Variants in GATA4 observed in about 807,000 individuals in gnomAD.
GATA4 encodes transcription factor GATA-4.
Under a neutral mutation model 37.9 loss-of-function variants are expected in GATA4, and 7 were observed. The observed-to-expected ratio is 0.18, with a 90% CI of 0.11 to 0.35. GATA4 has a LOEUF of 0.35. Among genes scored for constraint, GATA4 ranks in the 10% least tolerant of loss-of-function variants. GATA4 has a pLI of 1.00. For missense variants in GATA4, 647 were observed against 653.0 expected, an observed-to-expected ratio of 0.99 and a Z score of 0.10; for synonymous variants, 372 against 292.6, an observed-to-expected ratio of 1.27 and a Z score of -2.77.
At chr8:11,714,721 C>G (rs967138795) in intron 2 of GATA4, among the ~76,000 whole-genome samples, 1 of 152,186 alleles carries the variant, frequency 6.6e-6, no homozygotes, top group African/African-American at 2.4e-5. Context: ...TCTAAGCACT[C>G]AGGTGGAATG....
chr8:11,719,500 A>G (rs958607977), intron 2 of GATA4, among the ~76,000 whole-genome samples: 5 of 152,138 alleles, frequency 3.3e-5, no homozygotes, highest in Non-Finnish European at 7.4e-5. Context: ...TTTTTTTTCA[A>G]GTAGTATAAG....
At chr8:11,683,203 C>G (rs2129938613) in intron 1 of GATA4, 1 of 885,410 alleles carries the variant, frequency 1.1e-6, no homozygotes. Context: ...ATCCATTAGA[C>G]CTCAGCATTT....
At chr8:11,697,018 G>T (rs1563192306) in intron 1 of GATA4, among the ~76,000 whole-genome samples, 1 of 152,226 alleles carries the variant, frequency 6.6e-6, no homozygotes, top group African/African-American at 2.4e-5. Flanking sequence ...ATAGGGGAGG[G>T]AGGAGGCGAT....
intron 1 of GATA4, among the ~76,000 whole-genome samples, chr8:11,678,782 T>C (rs1389573145): frequency 6.6e-6 from 1 of 152,092 alleles, no homozygotes; most frequent in Non-Finnish European, 1.5e-5. Flanking sequence ...TTTTTCAGAG[T>C]TCATTTTTAG....
chr8:11,716,226 C>T (rs1448622277), intron 2 of GATA4, among the ~76,000 whole-genome samples: 1 of 151,972 alleles, frequency 6.6e-6, no homozygotes, highest in African/African-American at 2.4e-5. Context: ...ACTATATTAC[C>T]TAATTTTAAA....
intron 2 of GATA4, among the ~76,000 whole-genome samples, chr8:11,725,147 G>A (rs900454796): frequency 6.6e-6 from 1 of 152,210 alleles, no homozygotes; most frequent in African/African-American, 2.4e-5. Flanking sequence ...AGTCCCTGTG[G>A]GGCTGGGGTA....
At chr8:11,693,562 C>CACACAGAGAGAGAGAGAGAG (rs1405047773) in intron 1 of GATA4, among the ~76,000 whole-genome samples, 9 of 72,226 alleles carry the variant, frequency 1.2e-4, no homozygotes, top group South Asian at 7.2e-4. Flanking sequence ...CACACACACA[C>CACACAGAGAGAGAGAGAGAG]AGAGAGAGAG....
chr8:11,705,114 C>G (rs1799835239), intron 1 of GATA4, among the ~76,000 whole-genome samples: 1 of 152,332 alleles, frequency 6.6e-6, no homozygotes, highest in Admixed American at 6.5e-5. Context: ...AAAGGAGGGG[C>G]CTTTTGGCTG....
chr8:11,682,628 T>C (rs560920283), intron 1 of GATA4, among the ~76,000 whole-genome samples: 1 of 152,210 alleles, frequency 6.6e-6, no homozygotes, highest in African/African-American at 2.4e-5. Context: ...AACAAAACTT[T>C]CCTTGAAGAA....
rs187831308 is a variant in GATA4 at position 11,687,065 on chromosome 8, C to G, written c.-274+10002C>G. On this transcript the variant is annotated intron_variant, in intron 1 of 6. Transcript: ENST00000528712. ...CCCTTTTCTAGGAAGGGGATTAACT[C>G]CAAAGCCTGAGCAGACATCTGTGTT... 1.6e-3 allele frequency among the ~76,000 whole-genome samples: 245 copies of G among 151,952 alleles called. 2 individuals carry two copies. The highest frequency in any genetic ancestry group is 5.7e-3 in the African/African-American group (235 of 41,440).
At chr8:11,693,142 T>A (rs1451528395) in intron 1 of GATA4, 1 of 933,888 alleles carries the variant, frequency 1.1e-6, no homozygotes, top group East Asian at 1.2e-4. Context: ...GGTGTTCATT[T>A]GTTCCTAAAG....
At chr8:11,738,332 C>T (rs1585660451) in intron 2 of GATA4, among the ~76,000 whole-genome samples, 1 of 152,036 alleles carries the variant, frequency 6.6e-6, no homozygotes, top group African/African-American at 2.4e-5. Flanking sequence ...TGATCAGTTT[C>T]TTGTCTGTCC....
intron 2 of GATA4, among the ~76,000 whole-genome samples, chr8:11,725,041 C>T (rs753708818): frequency 1.3e-5 from 2 of 152,232 alleles, no homozygotes; most frequent in Non-Finnish European, 2.9e-5. Flanking sequence ...GGGTGGCCTT[C>T]ACGTTTGCTT....
intron 1 of GATA4, among the ~76,000 whole-genome samples, chr8:11,687,101 A>G (rs1563186779): frequency 6.6e-6 from 1 of 152,182 alleles, no homozygotes; most frequent in Non-Finnish European, 1.5e-5. Context: ...CTTGATGTGC[A>G]GAGGATGCCT....
Position 11,747,032 on chromosome 8 carries a change from A to C in GATA4, c.617-1884A>C, listed in dbSNP as rs182865694. ...AAGTAGCTGGGCCACATAACTAGCAAAATGCGCAACCTCAACCCACTCCCG... is the reference window on the plus strand; with the variant it reads ...AAGTAGCTGGGCCACATAACTAGCACAATGCGCAACCTCAACCCACTCCCG... On this transcript the variant is annotated intron_variant, in intron 2 of 6. Transcript: ENST00000532059. 1.3e-4 allele frequency among the ~76,000 whole-genome samples: 20 copies of C among 152,312 alleles called. No individual in the cohort carries two copies. The East Asian group carries it at 2.3e-3, about 18-fold the overall frequency.
chr8:11,759,038 C>G lies in GATA4; in HGVS notation c.*563C>G, dbSNP rs12825. ...TGACTGAACACTTCCTGGGGAGCTA[C>G]AGGGGCACTTAACCCACCACAGCAC... On this transcript the variant is annotated 3_prime_UTR_variant, in exon 7 of 7. Transcript: ENST00000532059. 72,280 of 172,406 alleles carry G rather than the reference C, an allele frequency of 0.42. 15,481 individuals carry two copies. Among genetic ancestry groups the G allele is most frequent in the East Asian group, 0.58 (3,733 of 6,484 alleles). The allele number at this position is 172,406 out of a possible 1,614,324, so 10.7% of individuals were successfully genotyped here.
At chr8:11,683,339 A>C (rs1420804691) in intron 1 of GATA4, among the ~76,000 whole-genome samples, 5 of 152,238 alleles carry the variant, frequency 3.3e-5, no homozygotes, top group African/African-American at 1.2e-4. Flanking sequence ...AAAACTCACC[A>C]CTGCGTATTA....
upstream of GATA4, among the ~76,000 whole-genome samples, chr8:11,701,228 T>A (rs1255101878): frequency 1.4e-5 from 2 of 141,118 alleles, no homozygotes; most frequent in Non-Finnish European, 3.0e-5. Context: ...ACTGGGTCAT[T>A]AGACCCAGGT....
intron 1 of GATA4, among the ~76,000 whole-genome samples, chr8:11,680,248 G>A (rs1798913084): frequency 6.6e-6 from 1 of 152,230 alleles, no homozygotes. Context: ...GCCTGAGTGG[G>A]CAGGCGGGAG....
Sources: gnomAD v4.1 joint callset for allele counts (sites outside exome capture counted in the v4.1 genomes callset) on GRCh38, gnomAD v4.1.1 for gene constraint, MANE v1.5 for transcripts, NCBI Gene and HGNC (gene_info 2026-07-23, HGNC 2026-07-21) for gene names.